Variants in CELF4 observed in about 807,000 individuals in gnomAD.
CELF4 encodes CUGBP Elav-like family member 4, also known as CUG-BP- and ETR-3-like factor 4.
In CELF4, 18 loss-of-function variants were observed where a neutral mutation model predicts 59.9. The observed-to-expected ratio is 0.30, with a 90% CI of 0.21 to 0.45. The LOEUF is 0.45. Ranked by LOEUF, CELF4 falls within the 20% of genes least tolerant of loss-of-function variation. CELF4 has a pLI of 1.00. For missense variants in CELF4, 456 were observed against 689.0 expected, an observed-to-expected ratio of 0.66 and a Z score of 3.79; for synonymous variants, 261 against 267.1, an observed-to-expected ratio of 0.98 and a Z score of 0.22.
chr18:37,474,405 A>G (rs1206146524), intron 2 of CELF4, among the ~76,000 whole-genome samples: 1 of 152,174 alleles, frequency 6.6e-6, no homozygotes, highest in Non-Finnish European at 1.5e-5. Flanking sequence ...GTGTCTAGCA[A>G]TCATGCCAGA....
At chr18:37,450,771 C>T (rs901631130) in intron 2 of CELF4, among the ~76,000 whole-genome samples, 7 of 152,160 alleles carry the variant, frequency 4.6e-5, no homozygotes, top group African/African-American at 1.4e-4. Context: ...GCCTGCAGGG[C>T]CTCGGTGGTA....
intron 2 of CELF4, among the ~76,000 whole-genome samples, chr18:37,425,346 C>T (rs924337891): frequency 6.6e-5 from 10 of 152,230 alleles, no homozygotes; most frequent in African/African-American, 2.4e-4. Context: ...GAAGACAAGG[C>T]CCCTCCGGGG....
chr18:37,409,174 TG>T (rs2099413816), intron 2 of CELF4, among the ~76,000 whole-genome samples: 1 of 152,222 alleles, frequency 6.6e-6, no homozygotes, highest in Non-Finnish European at 1.5e-5. Flanking sequence ...ATTTCCCACA[TG>T]AATAAACACT....
chr18:37,285,393 T>C (rs1376673143), intron 3 of CELF4, among the ~76,000 whole-genome samples: 1 of 152,220 alleles, frequency 6.6e-6, no homozygotes, highest in East Asian at 1.9e-4. Context: ...CCTCCATGCC[T>C]GAAGCCCGTC....
intron 2 of CELF4, among the ~76,000 whole-genome samples, chr18:37,384,612 A>G (rs750997515): frequency 1.3e-5 from 2 of 152,152 alleles, no homozygotes; most frequent in Non-Finnish European, 2.9e-5. Flanking sequence ...TTGCCAGGAA[A>G]GGGACTCTGC....
chr18:37,526,457 G>A (rs758339085), intron 1 of CELF4, among the ~76,000 whole-genome samples: 2 of 152,100 alleles, frequency 1.3e-5, no homozygotes, highest in Non-Finnish European at 2.9e-5. Context: ...TTCTTTCCTA[G>A]TGACTTCCTA....
intron 10 of CELF4, among the ~76,000 whole-genome samples, chr18:37,260,728 C>T (rs2073785907): frequency 6.6e-6 from 1 of 152,160 alleles, no homozygotes; most frequent in African/African-American, 2.4e-5. Flanking sequence ...ATCTCTATTC[C>T]CTCAAGGTCC....
intron 3 of CELF4, among the ~76,000 whole-genome samples, chr18:37,320,725 G>A (rs922191590): frequency 6.6e-5 from 10 of 152,216 alleles, no homozygotes; most frequent in African/African-American, 2.4e-4. Flanking sequence ...GAGGGGATGA[G>A]GCTCAGTGTG....
intron 2 of CELF4, among the ~76,000 whole-genome samples, chr18:37,343,740 C>G (rs919455553): frequency 1.3e-5 from 2 of 152,038 alleles, no homozygotes; most frequent in Non-Finnish European, 2.9e-5. Flanking sequence ...GGATGCTGCT[C>G]GTGTTCCGTG....
At chr18:37,358,640 C>T (rs983508738) in intron 2 of CELF4, among the ~76,000 whole-genome samples, 4 of 152,202 alleles carry the variant, frequency 2.6e-5, no homozygotes, top group Admixed American at 6.5e-5. Context: ...CTTTACACCT[C>T]GCTGTGAATC....
intron 2 of CELF4, among the ~76,000 whole-genome samples, chr18:37,408,152 TC>T (rs1199499780): frequency 1.3e-5 from 2 of 152,100 alleles, no homozygotes; most frequent in Non-Finnish European, 2.9e-5. Context: ...CTCACCGCCC[TC>T]CTCTCTCCCA....
chr18:37,514,461 T>TGA (rs1350763480), intron 1 of CELF4, among the ~76,000 whole-genome samples: 2 of 152,152 alleles, frequency 1.3e-5, no homozygotes, highest in African/African-American at 4.8e-5. Flanking sequence ...TGGATGCTGA[T>TGA]GAGAAGGAAA....
chr18:37,509,406 G>A (rs1263209095), intron 1 of CELF4, among the ~76,000 whole-genome samples: 2 of 152,080 alleles, frequency 1.3e-5, no homozygotes, highest in African/African-American at 4.8e-5. Context: ...CTGAGTTTCT[G>A]GCATCTTTCA....
chr18:37,516,986 C>T (rs1355438340), intron 1 of CELF4, among the ~76,000 whole-genome samples: 3 of 152,236 alleles, frequency 2.0e-5, no homozygotes, highest in Non-Finnish European at 2.9e-5. Flanking sequence ...TGAGAGGCTG[C>T]GGGACCGTGC....
chr18:37,247,015 T>C (rs1208131088), intron 12 of CELF4: 1 of 151,358 alleles, frequency 6.6e-6, no homozygotes. Flanking sequence ...GTCAAGAAAA[T>C]GCACGTGTGA....
intron 3 of CELF4, chr18:37,306,272 C>A (rs537413783): frequency 6.6e-6 from 1 of 152,404 alleles, no homozygotes; most frequent in Non-Finnish European, 1.5e-5. Flanking sequence ...CCTGCCAGAT[C>A]TGCCTTCCGG....
rs1490500061 is a variant in CELF4 at position 37,390,934 on chromosome 18, G to C, written c.370-69053C>G. ...GCCTGATCAATCCTAATGGAATGGA[G>C]CAGAGGGGCAGCCGCTGCAGGGAGC... On this transcript the variant is annotated intron_variant, in intron 2 of 12. Transcript: ENST00000420428. 2.6e-5 allele frequency among the ~76,000 whole-genome samples: 4 copies of C among 152,236 alleles called. No homozygotes were observed. The East Asian group carries it at 7.8e-4, about 30-fold the overall frequency.
At chr18:37,342,853 G>C (rs187942616) in intron 2 of CELF4, among the ~76,000 whole-genome samples, 23 of 152,358 alleles carry the variant, frequency 1.5e-4, no homozygotes, top group Non-Finnish European at 5.9e-5. Flanking sequence ...AAGCCCCCTG[G>C]GTTGCAGCGT....
intron 2 of CELF4, among the ~76,000 whole-genome samples, chr18:37,326,846 C>T (rs996370499): frequency 7.2e-5 from 11 of 152,136 alleles, no homozygotes; most frequent in Admixed American, 3.3e-4. Flanking sequence ...ATCCCTCTGC[C>T]ACTTTTTGCA....
Sources: gnomAD v4.1 joint callset for allele counts (sites outside exome capture counted in the v4.1 genomes callset) on GRCh38, gnomAD v4.1.1 for gene constraint, MANE v1.5 for transcripts, NCBI Gene and HGNC (gene_info 2026-07-23, HGNC 2026-07-21) for gene names.